Variants in CPNE4 observed in about 807,000 individuals in gnomAD.
The protein encoded by CPNE4 is copine-4.
Under a neutral mutation model 67.9 loss-of-function variants are expected in CPNE4, and 25 were observed. The observed-to-expected ratio is 0.37, with a 90% CI of 0.27 to 0.51. The LOEUF (loss-of-function observed/expected upper bound fraction) is 0.51. CPNE4 is among the 20% of genes least tolerant of loss of function. The pLI is 0.93. For synonymous variants in CPNE4, 242 were observed against 244.9 expected, an observed-to-expected ratio of 0.99 and a Z score of 0.11; for missense variants, 464 against 690.8, an observed-to-expected ratio of 0.67 and a Z score of 3.68.
At chr3:131,781,341 C>T (rs149345130) in intron 2 of CPNE4, among the ~76,000 whole-genome samples, 2 of 152,152 alleles carry the variant, frequency 1.3e-5, no homozygotes, top group East Asian at 3.9e-4. Context: ...ACTGTCCTGC[C>T]TTTCATAAAG....
intron 1 of CPNE4, among the ~76,000 whole-genome samples, chr3:131,980,567 T>A (rs2072879606): frequency 1.3e-5 from 2 of 152,126 alleles, no homozygotes; most frequent in Non-Finnish European, 2.9e-5. Flanking sequence ...TTCTTTAACC[T>A]ATCTATTTCA....
rs2081935321 is a variant in CPNE4 at position 131,723,499 on chromosome 3, T to G, written c.307A>C (p.Asn103His). The G allele has an allele frequency of 6.2e-7, 1 of 1,613,786 alleles. No homozygotes were observed. Among genetic ancestry groups the G allele is most frequent in the Non-Finnish European group, 8.5e-7 (1 of 1,180,034 alleles). Residue 103 changes from asparagine (N) to histidine (H), a missense_variant, in exon 3 of 16, where the codon AAT becomes CAT. Asn to His is a moderately conservative substitution (Grantham distance 68, BLOSUM62 1). Coordinates refer to ENST00000429747, the MANE Select transcript of CPNE4 (RefSeq NM_130808.3). ...FEVHDISSNH[N>H]GLKEADFLGG... is the part of the protein sequence containing the mutation. ...AGGAAGTCGGCCTCCTTCAGCCCAT[T>G]GTGGTTGCTGCTGATGTCATGGACT...
chr3:131,761,991 C>T (rs1401693396), intron 2 of CPNE4, among the ~76,000 whole-genome samples: 1 of 152,096 alleles, frequency 6.6e-6, no homozygotes, highest in Non-Finnish European at 1.5e-5. Context: ...AATGATAACA[C>T]TCAAATGAGG....
intron 2 of CPNE4, among the ~76,000 whole-genome samples, chr3:131,735,884 T>C (rs1459006786): frequency 3.9e-5 from 6 of 152,242 alleles, no homozygotes; most frequent in African/African-American, 1.4e-4. Flanking sequence ...TTTTCCCTGA[T>C]GTCTCTCTTG....
chr3:131,862,064 G>A (rs2086713292), intron 2 of CPNE4, among the ~76,000 whole-genome samples: 1 of 152,068 alleles, frequency 6.6e-6, no homozygotes, highest in African/African-American at 2.4e-5. Flanking sequence ...TCTTTTCTTT[G>A]CAATTTTTTT....
intron 2 of CPNE4, among the ~76,000 whole-genome samples, chr3:131,761,660 C>G (rs1330992422): frequency 2.0e-5 from 3 of 152,088 alleles, no homozygotes; most frequent in African/African-American, 7.2e-5. Flanking sequence ...CAACTAACAC[C>G]TGCACTTAGT....
At chr3:131,596,946 C>T (rs1231536550) in intron 7 of CPNE4, among the ~76,000 whole-genome samples, 2 of 152,168 alleles carry the variant, frequency 1.3e-5, no homozygotes, top group South Asian at 2.1e-4. Flanking sequence ...ACTTTCTTCA[C>T]CTCTTCCCTG....
At chr3:131,618,183 G>C (rs1163108060) in intron 7 of CPNE4, among the ~76,000 whole-genome samples, 1 of 152,154 alleles carries the variant, frequency 6.6e-6, no homozygotes, top group Non-Finnish European at 1.5e-5. Flanking sequence ...GTGTGGGGGA[G>C]TGAATACTGG....
chr3:131,951,088 A>G (rs1231260548), intron 1 of CPNE4, among the ~76,000 whole-genome samples: 1 of 152,194 alleles, frequency 6.6e-6, no homozygotes, highest in Non-Finnish European at 1.5e-5. Context: ...ATTCTATTAG[A>G]TAATTTATTG....
intron 2 of CPNE4, among the ~76,000 whole-genome samples, chr3:131,753,357 G>A (rs1460930445): frequency 1.3e-5 from 2 of 151,972 alleles, no homozygotes; most frequent in Non-Finnish European, 2.9e-5. Context: ...ACATGTATAT[G>A]TTAGGGAAAA....
chr3:131,986,809 C>T (rs796592655), intron 1 of CPNE4, among the ~76,000 whole-genome samples: 8 of 133,786 alleles, frequency 6.0e-5, no homozygotes, highest in African/African-American at 1.1e-4. Flanking sequence ...CCAGCCTGGG[C>T]GACAGAGCGA....
At chr3:131,600,151 C>A (rs1939123212) in intron 7 of CPNE4, among the ~76,000 whole-genome samples, 1 of 152,086 alleles carries the variant, frequency 6.6e-6, no homozygotes, top group Non-Finnish European at 1.5e-5. Flanking sequence ...GGTATCCATG[C>A]ACCAAGGCAA....
intron 3 of CPNE4, among the ~76,000 whole-genome samples, chr3:131,707,030 G>A (rs2081430352): frequency 6.6e-6 from 1 of 152,218 alleles, no homozygotes; most frequent in African/African-American, 2.4e-5. Context: ...CCTGAAGGAT[G>A]TATCGTGGGC....
chr3:131,661,633 T>G (rs1401351163), intron 7 of CPNE4, among the ~76,000 whole-genome samples: 1 of 152,180 alleles, frequency 6.6e-6, no homozygotes, highest in African/African-American at 2.4e-5. Context: ...CCAGGACATT[T>G]AGGCAGACTG....
chr3:132,001,153 T>C (rs560174586), intron 1 of CPNE4, among the ~76,000 whole-genome samples: 1 of 152,138 alleles, frequency 6.6e-6, no homozygotes, highest in Non-Finnish European at 1.5e-5. Flanking sequence ...ATATTATCAC[T>C]GATCAAAAAA....
At chr3:131,885,373 A>C (rs935831727) in intron 2 of CPNE4, among the ~76,000 whole-genome samples, 4 of 150,768 alleles carry the variant, frequency 2.7e-5, no homozygotes, top group African/African-American at 9.8e-5. Flanking sequence ...GATTTATTTT[A>C]AGGTTATAAA....
rs537517925 is a variant in CPNE4, at chr3:131,573,679, C to T, written c.927+1392G>A. On this transcript the variant is annotated intron_variant, in intron 10 of 15. Transcript: ENST00000429747. ...GATCTTGGGAAACTATTTCCAGTAGCTCTCCTTTATGACATTGCTTGCTTC... is the reference window on the plus strand; with the variant it reads ...GATCTTGGGAAACTATTTCCAGTAGTTCTCCTTTATGACATTGCTTGCTTC... Among the ~76,000 whole-genome samples the T allele has an allele frequency of 3.7e-4, 57 of 152,208 alleles. 2 individuals are homozygous for T. In the South Asian group the frequency reaches 0.011, roughly 29 times the overall value.
chr3:131,698,302 A>G (rs1268194719), intron 4 of CPNE4, among the ~76,000 whole-genome samples: 1 of 150,456 alleles, frequency 6.6e-6, no homozygotes, highest in Admixed American at 6.6e-5. Flanking sequence ...GGAGAAAGAA[A>G]ATCTCAGGAT....
At chr3:131,684,490 C>T (rs181045430) in intron 6 of CPNE4, among the ~76,000 whole-genome samples, 273 of 152,278 alleles carry the variant, frequency 1.8e-3, no homozygotes, top group African/African-American at 6.2e-3. Context: ...TAGATATCAA[C>T]TTTGTATCAG....
Sources: gnomAD v4.1 joint callset for allele counts (sites outside exome capture counted in the v4.1 genomes callset) on GRCh38, gnomAD v4.1.1 for gene constraint, MANE v1.5 for transcripts, NCBI Gene and HGNC (gene_info 2026-07-23, HGNC 2026-07-21) for gene names.